Variants in POU6F2 observed in about 807,000 individuals in gnomAD.
POU6F2 encodes POU domain, class 6, transcription factor 2.
In POU6F2, 31 loss-of-function variants were observed where a neutral mutation model predicts 71.3. That is an observed-to-expected ratio of 0.43 (90% CI 0.33 to 0.59). POU6F2 has a LOEUF of 0.59. Ranked by LOEUF, POU6F2 falls within the 20% of genes least tolerant of loss-of-function variation. The probability of loss-of-function intolerance (pLI) is 0.04; values close to 1 mark genes in which losing one functional copy is unlikely to be tolerated. For missense variants in POU6F2, 783 were observed against 856.8 expected (o/e 0.91, Z 1.07); for synonymous variants, 347 against 355.7 (o/e 0.98, Z 0.27).
intron 1 of POU6F2, among the ~76,000 whole-genome samples, chr7:39,004,652 C>A (rs1000726357): frequency 1.3e-5 from 2 of 152,110 alleles, no homozygotes; most frequent in Admixed American, 1.3e-4. Flanking sequence ...CACAGTTTAA[C>A]CTGGAAAGTT....
At chr7:39,199,245 C>G (rs985920146) in intron 2 of POU6F2, among the ~76,000 whole-genome samples, 2 of 152,252 alleles carry the variant, frequency 1.3e-5, no homozygotes, top group South Asian at 4.1e-4. Flanking sequence ...CAGTTCTGTT[C>G]CTTTCTCAAT....
At chr7:39,246,905 C>CTT (rs398004470) in intron 4 of POU6F2, among the ~76,000 whole-genome samples, 1,715 of 78,022 alleles carry the variant, frequency 0.022, 126 homozygotes, top group African/African-American at 0.08. Flanking sequence ...TCCAGGGTGG[C>CTT]TTTTTTTTTT....
chr7:39,393,975 G>A (rs1787126320), intron 5 of POU6F2, among the ~76,000 whole-genome samples: 1 of 152,186 alleles, frequency 6.6e-6, no homozygotes, highest in Non-Finnish European at 1.5e-5. Context: ...GGTTTCAGTG[G>A]TACAAATAGA....
chr7:39,305,754 T>C (rs912560784), intron 4 of POU6F2, among the ~76,000 whole-genome samples: 1 of 152,166 alleles, frequency 6.6e-6, no homozygotes, highest in African/African-American at 2.4e-5. Flanking sequence ...TCTCTGAAAA[T>C]GTAAGATGGT....
chr7:39,121,308 A>G (rs998106683), intron 2 of POU6F2, among the ~76,000 whole-genome samples: 19 of 152,220 alleles, frequency 1.2e-4, no homozygotes, highest in African/African-American at 3.9e-4. Flanking sequence ...TGCCAAGATG[A>G]AATGCAATAA....
intron 1 of POU6F2, among the ~76,000 whole-genome samples, chr7:38,985,194 G>A (rs568627732): frequency 9.6e-4 from 146 of 152,182 alleles, no homozygotes; most frequent in Non-Finnish European, 1.8e-3. Flanking sequence ...ACTATGGCAC[G>A]CCAAACTTGC....
At chr7:39,439,151 C>T (rs1160800606) in intron 7 of POU6F2, among the ~76,000 whole-genome samples, 1 of 150,950 alleles carries the variant, frequency 6.6e-6, no homozygotes, top group Middle Eastern at 3.2e-3. Context: ...GGTTTAAAGT[C>T]TATTTTATCA....
At chr7:39,026,078 A>G (rs1444936183) in intron 1 of POU6F2, among the ~76,000 whole-genome samples, 1 of 152,194 alleles carries the variant, frequency 6.6e-6, no homozygotes, top group Admixed American at 6.5e-5. Context: ...TAGAATGGCA[A>G]TCATTAAAAA....
chr7:39,066,097 G>A (rs1381748360), intron 1 of POU6F2, among the ~76,000 whole-genome samples: 5 of 151,722 alleles, frequency 3.3e-5, no homozygotes, highest in South Asian at 2.1e-4. Context: ...TCCTGGATCC[G>A]AAGATGCTTT....
intron 4 of POU6F2, among the ~76,000 whole-genome samples, chr7:39,230,866 G>C (rs28599716): frequency 6.6e-6 from 1 of 151,922 alleles, no homozygotes; most frequent in Non-Finnish European, 1.5e-5. Flanking sequence ...ATCCCAAATA[G>C]ATTTGTGTGC....
chr7:39,035,358 G>T (rs1042568902), intron 1 of POU6F2, among the ~76,000 whole-genome samples: 1 of 152,094 alleles, frequency 6.6e-6, no homozygotes, highest in African/African-American at 2.4e-5. Context: ...TTGCCACTGA[G>T]ATATGCTGTA....
At chr7:39,016,965 G>A (rs1789566747) in intron 1 of POU6F2, among the ~76,000 whole-genome samples, 1 of 152,214 alleles carries the variant, frequency 6.6e-6, no homozygotes, top group Non-Finnish European at 1.5e-5. Flanking sequence ...GATCCAAGGA[G>A]CTCTAGGGAA....
chr7:39,256,154 C>T lies in POU6F2; in HGVS notation c.598+48534C>T, dbSNP rs1193102368. Among the ~76,000 whole-genome samples the T allele has an allele frequency of 6.0e-5, 9 of 150,868 alleles. No homozygotes were observed. The South Asian group carries it at 1.9e-3, about 31-fold the overall frequency. On this transcript the variant is annotated intron_variant, in intron 4 of 9. Transcript: ENST00000518318. ...ATACACTGCTTTTTTTTTTTTTGAACCCTGCCATTTTGCTCTTCCATAGCT... is the reference window on the plus strand; with the variant it reads ...ATACACTGCTTTTTTTTTTTTTGAATCCTGCCATTTTGCTCTTCCATAGCT...
In POU6F2 at chr7:39,358,873, TAAA is replaced by T. The variant is rs10626884; in HGVS notation, c.972+18874_972+18876del. 5.1e-4 allele frequency among the ~76,000 whole-genome samples: 69 copies of T among 134,386 alleles called. 4 individuals carry two copies. In the East Asian group the frequency reaches 9.5e-3, roughly 19 times the overall value. The allele number at this position is 134,386 out of a possible 152,430, so 88.2% of individuals were successfully genotyped here. On this transcript the variant is annotated intron_variant, in intron 5 of 9. Transcript: ENST00000518318. ...GAAAGTGGAGCTGTACTTCTGTATT[TAAA>T]AAAAAAAAAAAAAAAGAGTATGACA...
chr7:39,092,816 T>C (rs1171032844), intron 2 of POU6F2, among the ~76,000 whole-genome samples: 1 of 152,172 alleles, frequency 6.6e-6, no homozygotes, highest in Non-Finnish European at 1.5e-5. Flanking sequence ...TAAGCCCTTT[T>C]AGTGTGAATG....
At chr7:39,142,699 T>TA (rs1792529142) in intron 2 of POU6F2, among the ~76,000 whole-genome samples, 1 of 152,232 alleles carries the variant, frequency 6.6e-6, no homozygotes. Flanking sequence ...AAGAACTTAG[T>TA]ATTTGTTAAA....
chr7:39,310,951 T>C (rs969517351), intron 4 of POU6F2, among the ~76,000 whole-genome samples: 12 of 152,256 alleles, frequency 7.9e-5, no homozygotes, highest in Middle Eastern at 6.8e-3. Flanking sequence ...GCCGACTTCC[T>C]TTGTTTCCAG....
chr7:38,998,357 C>T (rs955797165), intron 1 of POU6F2, among the ~76,000 whole-genome samples: 1 of 152,120 alleles, frequency 6.6e-6, no homozygotes, highest in Non-Finnish European at 1.5e-5. Flanking sequence ...TTAAAGTGTA[C>T]TTGAGTGAAT....
At position 39,418,733 on chromosome 7, in the gene POU6F2, A is replaced by G. The variant is rs116458253; in HGVS notation, c.1113+11993A>G. On this transcript the variant is annotated intron_variant, in intron 6 of 9. Transcript: ENST00000518318. The stretch of plus-strand genomic sequence containing the variant: ...AGAAAGAAAAGTTAACCAACTTTCC[A>G]GAGCCATACAGTAAATGATAGAGCC... 6.1e-3 allele frequency among the ~76,000 whole-genome samples: 920 copies of G among 150,918 alleles called. 4 individuals are homozygous for G. The highest frequency in any genetic ancestry group is 0.021 in the African/African-American group (873 of 41,300).
Sources: allele counts gnomAD v4.1 joint callset (sites outside exome capture counted in the v4.1 genomes callset), GRCh38; gene constraint gnomAD v4.1.1; transcripts MANE v1.5; gene names NCBI Gene and HGNC (gene_info 2026-07-23, HGNC 2026-07-21).